The following MROH1 variants were observed in gnomAD, a reference collection of about 807,000 sequenced individuals.
MROH1 encodes maestro heat-like repeat-containing protein family member 1.
Under a neutral mutation model 116.5 loss-of-function variants are expected in MROH1, and 117 were observed. The observed-to-expected ratio is 1.00, with a 90% CI of 0.86 to 1.17. MROH1 has a LOEUF of 1.17. MROH1 is among the 50% of genes most tolerant of loss of function. The pLI, the probability that MROH1 is intolerant of heterozygous loss-of-function variation, is 0.00. For synonymous variants in MROH1, 921 were observed against 583.9 expected, an observed-to-expected ratio of 1.58 and a Z score of -8.32; for missense variants, 1,873 against 1,338.5, an observed-to-expected ratio of 1.40 and a Z score of -6.23.
chr8:144,243,380 C>G, intron 24 of MROH1, 114 bp from the exon 25 acceptor site: 1 of 712,666 alleles, frequency 1.4e-6, no homozygotes, highest in South Asian at 1.5e-5. Context: ...CTAGAGAGCT[C>G]CTTTGAGAGC....
chr8:144,205,969 T>C (rs904864920), intron 12 of MROH1, among the ~76,000 whole-genome samples: 1 of 152,202 alleles, frequency 6.6e-6, no homozygotes, highest in Non-Finnish European at 1.5e-5. Flanking sequence ...CAAATCAAAA[T>C]GTGGAACATT....
At chr8:144,160,225 TTAGG>T (rs1205980225) in intron 1 of MROH1, among the ~76,000 whole-genome samples, 1 of 152,218 alleles carries the variant, frequency 6.6e-6, no homozygotes, top group African/African-American at 2.4e-5. Context: ...TTTAGCTTTG[TTAGG>T]TGAGACCAGA....
At chr8:144,151,437 G>C (rs1816768538) in intron 1 of MROH1, among the ~76,000 whole-genome samples, 1 of 152,126 alleles carries the variant, frequency 6.6e-6, no homozygotes, top group African/African-American at 2.4e-5. Context: ...GCTGGACAAG[G>C]TGGAGTTTGG....
At chr8:144,181,301 A>ATGGGGGAGGGGCCCGGTGG (rs1825621502) in intron 7 of MROH1, among the ~76,000 whole-genome samples, 1 of 125,952 alleles carries the variant, frequency 7.9e-6, no homozygotes, top group Non-Finnish European at 1.7e-5. Context: ...GGGCCCGGTG[A>ATGGGGGAGGGGCCCGGTGG]TGGGGGAGGG....
chr8:144,194,059 G>A (rs1391930253), intron 10 of MROH1, among the ~76,000 whole-genome samples: 1 of 150,628 alleles, frequency 6.6e-6, no homozygotes, highest in Non-Finnish European at 1.5e-5. Flanking sequence ...AAAAACTTTT[G>A]ATGATTTTTT....
chr8:144,206,030 C>T (rs1564473907), intron 12 of MROH1, among the ~76,000 whole-genome samples: 1 of 152,198 alleles, frequency 6.6e-6, no homozygotes, highest in Non-Finnish European at 1.5e-5. Context: ...CTAACACCTA[C>T]ACCTACTGTT....
At chr8:144,170,713 G>GT (rs1275501816) in intron 4 of MROH1, among the ~76,000 whole-genome samples, 2 of 152,228 alleles carry the variant, frequency 1.3e-5, no homozygotes, top group African/African-American at 4.8e-5. Context: ...TCTGGCGTCT[G>GT]TATCTGTGGT....
At chr8:144,214,013 A>C (rs760267199) in intron 12 of MROH1, 1 of 152,084 alleles carries the variant, frequency 6.6e-6, no homozygotes, top group Non-Finnish European at 1.5e-5. Context: ...CAGTAATTTC[A>C]TAGAATATCC....
rs1233387952 is a variant in MROH1 at position 144,220,625 on chromosome 8, C to G, written c.1167C>G (p.Pro389=). 6.3e-7 allele frequency: 1 copy of G among 1,579,750 alleles called. No homozygotes were observed. Residue 389 remains proline (P), a synonymous_variant, in exon 13 of 44, where the codon CCC becomes CCG. Transcript: ENST00000326134. The part of the protein sequence containing the change: ...SAAAQMEDKK[P]FILSSMRLPL... Reference sequence around the variant, plus strand: ...CTGCTCAGATGGAAGATAAAAAGCCCTTTATCCTGTCTTCCATGAGGCTTC... The same window carrying G: ...CTGCTCAGATGGAAGATAAAAAGCCGTTTATCCTGTCTTCCATGAGGCTTC...
intron 34 of MROH1, among the ~76,000 whole-genome samples, chr8:144,255,212 G>A (rs1293191933): frequency 6.6e-6 from 1 of 152,252 alleles, no homozygotes; most frequent in Non-Finnish European, 1.5e-5. Flanking sequence ...GCTTGGCAGT[G>A]TTTTAAGCAG....
At chr8:144,170,986 C>A (rs965861941) in intron 4 of MROH1, among the ~76,000 whole-genome samples, 22 of 152,198 alleles carry the variant, frequency 1.4e-4, no homozygotes, top group African/African-American at 5.3e-4. Flanking sequence ...GCTCTTACAC[C>A]ACGCAACAAT....
intron 35 of MROH1, 139 bp downstream of exon 35, chr8:144,255,844 T>C: frequency 1.6e-6 from 1 of 633,278 alleles, no homozygotes; most frequent in Admixed American, 2.3e-5. Flanking sequence ...AGCTGGCGCC[T>C]CACCCAGGTG....
intron 32 of MROH1, 124 bp from the exon 33 acceptor site, chr8:144,250,088 C>A (rs1207973743): frequency 2.9e-6 from 2 of 680,906 alleles, no homozygotes; most frequent in Non-Finnish European, 5.4e-6. Flanking sequence ...CAGGCTGGAA[C>A]CAGCAGTATG....
chr8:144,245,260 C>T lies in MROH1; in HGVS notation c.2871C>T (p.Ser957=), dbSNP rs1177222637. The stretch of plus-strand genomic sequence containing the variant: ...ACTTCCTGGAGCACCTGCGTGTCAG[C>T]GTGAGTACCTGGGTCCCTGGCCCGG... ...LRYFLEHLRV[S]ALVPFHNLGL... The change falls in exon 29 of 44, where the codon AGC becomes AGT. Residue 957 remains serine, a splice_region_variant and synonymous_variant. Coordinates refer to ENST00000326134, the MANE Select transcript of MROH1 (RefSeq NM_032450.3). 6 of 777,200 alleles carry T rather than the reference C, an allele frequency of 7.7e-6. No homozygotes were observed. The highest frequency in any genetic ancestry group is 5.1e-5 in the Admixed American group (3 of 59,038). 48.1% of individuals were successfully genotyped at this position (777,200 alleles called of 1,614,324 possible).
At chr8:144,181,313 C>CCCGGTGATGGGGGAGGGGT (rs1564413921) in intron 7 of MROH1, among the ~76,000 whole-genome samples, 1 of 1,638 alleles carries the variant, frequency 6.1e-4, no homozygotes, top group Non-Finnish European at 2.0e-3. Flanking sequence ...GGGGGAGGGG[C>CCCGGTGATGGGGGAGGGGT]CGGTGATGGG....
Position 144,261,098 on chromosome 8 carries a change from C to G in MROH1, c.4672-16C>G. ...GTGGGGCGGGGCCAGGCGGCACTGA[C>G]CAGGCCTCTCCCCAGATGCACCATT... On this transcript the variant is annotated splice_polypyrimidine_tract_variant and intron_variant, in intron 41 of 43. Coordinates refer to ENST00000326134, the MANE Select transcript of MROH1 (RefSeq NM_032450.3). 1.3e-6 allele frequency: 1 copy of G among 775,482 alleles called. No homozygotes were observed. The highest frequency in any genetic ancestry group is 2.4e-6 in the Non-Finnish European group (1 of 417,638). The allele number at this position is 775,482 out of a possible 1,614,324, so 48.0% of individuals were successfully genotyped here. A position where few individuals can be genotyped will look rare whatever the true frequency, so the allele number is the denominator to read the frequency against.
chr8:144,246,094 C>A (rs1841874958), intron 29 of MROH1, among the ~76,000 whole-genome samples: 1 of 122,650 alleles, frequency 8.2e-6, no homozygotes, highest in Non-Finnish European at 1.6e-5. Flanking sequence ...TCCTTCCTTT[C>A]CTTCCTTCCT....
intron 15 of MROH1, 65 bp from the exon 16 acceptor site, chr8:144,238,970 G>A (rs1053559309): frequency 5.8e-5 from 45 of 771,172 alleles, no homozygotes; most frequent in Admixed American, 2.2e-4. Flanking sequence ...TGGAGCTCCG[G>A]CAGGGCCCTG....
chr8:144,170,335 GTC>G (rs1020639049), intron 4 of MROH1, among the ~76,000 whole-genome samples: 8 of 152,242 alleles, frequency 5.3e-5, no homozygotes, highest in African/African-American at 1.9e-4. Context: ...TTTTTAAAAA[GTC>G]TGCCTTCACA....
Sources: allele counts gnomAD v4.1 joint callset (sites outside exome capture counted in the v4.1 genomes callset), GRCh38; gene constraint gnomAD v4.1.1; transcripts MANE v1.5; gene names NCBI Gene and HGNC (gene_info 2026-07-23, HGNC 2026-07-21).